The following VSTM4 variants were observed in gnomAD, a reference collection of about 807,000 sequenced individuals.
The protein encoded by VSTM4 is V-set and transmembrane domain containing 4, also known as V-set and transmembrane domain-containing protein 4.
In VSTM4, 20 loss-of-function variants were observed where a neutral mutation model predicts 36.4. The ratio of observed to expected loss-of-function variants is 0.55; its 90% CI spans 0.39 to 0.80. The LOEUF is 0.80. VSTM4 is among the 30% of genes least tolerant of loss of function. The pLI is 0.00. For missense variants in VSTM4, 392 were observed against 404.5 expected (o/e 0.97, Z 0.26); for synonymous variants, 182 against 173.9 (o/e 1.05, Z -0.37).
In VSTM4 at chr10:49,114,147, G is replaced by A. The variant is rs555232973; in HGVS notation, c.55+1284C>T. Among the ~76,000 whole-genome samples, 9 of 152,178 alleles carry A rather than the reference G, an allele frequency of 5.9e-5. No homozygotes were observed. In the South Asian group the frequency reaches 1.0e-3, roughly 18 times the overall value. The stretch of plus-strand genomic sequence containing the variant: ...CAAACTTCTCATCATTTTTCCAGCC[G>A]AGACAGTGACAACTGGGAAAAGGTA... On this transcript the variant is annotated intron_variant, in intron 1 of 7. Transcript: ENST00000332853.
intron 5 of VSTM4, among the ~76,000 whole-genome samples, chr10:49,057,569 T>G (rs906324245): frequency 6.6e-6 from 1 of 152,194 alleles, no homozygotes; most frequent in Admixed American, 6.5e-5. Context: ...GCATATTCTT[T>G]ATGCCAGGAA....
At chr10:49,081,745 A>G (rs539746253) in intron 3 of VSTM4, among the ~76,000 whole-genome samples, 1 of 152,326 alleles carries the variant, frequency 6.6e-6, no homozygotes, top group South Asian at 2.1e-4. Context: ...AGTTATGGAC[A>G]CCAGCCAGCG....
intron 4 of VSTM4, among the ~76,000 whole-genome samples, chr10:49,073,781 C>A (rs1163584637): frequency 6.6e-6 from 1 of 152,186 alleles, no homozygotes; most frequent in Non-Finnish European, 1.5e-5. Context: ...ATGAAGATTT[C>A]TCCTATAGAC....
intron 4 of VSTM4, among the ~76,000 whole-genome samples, chr10:49,070,341 A>G (rs1028496655): frequency 1.3e-5 from 2 of 151,942 alleles, no homozygotes; most frequent in Admixed American, 1.3e-4. Flanking sequence ...GATATTCCAG[A>G]TACAGTGGGT....
At chr10:49,038,112 A>G (rs1174518623) in intron 7 of VSTM4, among the ~76,000 whole-genome samples, 1 of 152,242 alleles carries the variant, frequency 6.6e-6, no homozygotes, top group Non-Finnish European at 1.5e-5. Flanking sequence ...TTCTGGGTAT[A>G]TAACCAAAAT....
chr10:49,020,382 A>T (rs1843163376), intron 7 of VSTM4, among the ~76,000 whole-genome samples: 1 of 152,156 alleles, frequency 6.6e-6, no homozygotes, highest in African/African-American at 2.4e-5. Context: ...AAAAAGAGGA[A>T]TAAAATAAAG....
At chr10:49,054,824 G>A (rs1467440954) in intron 5 of VSTM4, among the ~76,000 whole-genome samples, 1 of 152,130 alleles carries the variant, frequency 6.6e-6, no homozygotes, top group Non-Finnish European at 1.5e-5. Context: ...CCATCAAATG[G>A]TCCTTCTAAT....
intron 4 of VSTM4, among the ~76,000 whole-genome samples, chr10:49,072,919 T>A (rs1464456222): frequency 2.6e-5 from 4 of 152,210 alleles, no homozygotes; most frequent in Non-Finnish European, 5.9e-5. Context: ...AAATAAATGT[T>A]GTGTTAAGCC....
At chr10:49,099,844 C>T (rs1390747954) in intron 2 of VSTM4, among the ~76,000 whole-genome samples, 1 of 152,094 alleles carries the variant, frequency 6.6e-6, no homozygotes, top group Non-Finnish European at 1.5e-5. Flanking sequence ...AGAGCAAAAC[C>T]CTGTCTCTAC....
chr10:49,041,433 T>A (rs1220162205), intron 7 of VSTM4, among the ~76,000 whole-genome samples: 1 of 152,208 alleles, frequency 6.6e-6, no homozygotes, highest in Non-Finnish European at 1.5e-5. Flanking sequence ...CTGAAATGCA[T>A]ATAGCTGCCC....
chr10:49,046,974 G>T lies in VSTM4; in HGVS notation c.837+9C>A. 3.7e-6 allele frequency: 6 copies of T among 1,613,672 alleles called. No homozygotes were observed. The highest frequency in any genetic ancestry group is 1.3e-5 in the African/African-American group (1 of 75,020). On this transcript the variant is annotated intron_variant, in intron 7 of 7. Transcript: ENST00000332853. ...AGGTATGATAGGAATACAGAAGACG[G>T]TTACTTACCAGCGTGACTTTTCTCT... is the stretch of plus-strand genomic sequence containing the variant.
chr10:49,087,893 A>ATTATATG (rs1844396330), intron 2 of VSTM4, among the ~76,000 whole-genome samples: 1 of 143,942 alleles, frequency 6.9e-6, no homozygotes, highest in Admixed American at 6.8e-5. Context: ...CATATATATA[A>ATTATATG]TTATATATGT....
At chr10:49,097,298 C>T (rs1844591085) in intron 2 of VSTM4, among the ~76,000 whole-genome samples, 1 of 152,224 alleles carries the variant, frequency 6.6e-6, no homozygotes, top group African/African-American at 2.4e-5. Context: ...GGGGCCTCCT[C>T]CTGCTGAGCA....
At chr10:49,067,642 G>A (rs1369958493) in intron 4 of VSTM4, among the ~76,000 whole-genome samples, 1 of 152,202 alleles carries the variant, frequency 6.6e-6, no homozygotes, top group Non-Finnish European at 1.5e-5. Flanking sequence ...GAGGCTTCAG[G>A]GGAAATGAAT....
intron 3 of VSTM4, among the ~76,000 whole-genome samples, chr10:49,082,293 T>C (rs1844292955): frequency 6.6e-6 from 1 of 152,220 alleles, no homozygotes; most frequent in African/African-American, 2.4e-5. Context: ...GGTTGAAAGG[T>C]TGAAGCCAGA....
At chr10:49,020,596 A>C (rs1843166588) in intron 7 of VSTM4, among the ~76,000 whole-genome samples, 1 of 152,094 alleles carries the variant, frequency 6.6e-6, no homozygotes. Context: ...TACTGAAAAA[A>C]CTTTTAAATA....
rs3763776 is a variant in VSTM4 at position 49,019,278 on chromosome 10, A to G, written c.*372T>C. The G allele has an allele frequency of 0.11, 17,695 of 156,904 alleles. 1,295 individuals carry two copies. The highest frequency in any genetic ancestry group is 0.24 in the South Asian group (1,171 of 4,876). 9.7% of individuals were successfully genotyped at this position (156,904 alleles called of 1,614,324 possible). A position where few individuals can be genotyped will look rare whatever the true frequency, so the allele number is the denominator to read the frequency against. Reference sequence around the variant, plus strand: ...TATACTGTGAGCTTGTATCGTGGATACAGGAAGAGTAGAGAGTAAAATTAA... The same window carrying G: ...TATACTGTGAGCTTGTATCGTGGATGCAGGAAGAGTAGAGAGTAAAATTAA... On this transcript the variant is annotated 3_prime_UTR_variant, in exon 8 of 8. Transcript: ENST00000332853.
At chr10:49,092,851 T>C (rs772409095) in intron 2 of VSTM4, among the ~76,000 whole-genome samples, 5 of 152,022 alleles carry the variant, frequency 3.3e-5, no homozygotes, top group East Asian at 3.9e-4. Context: ...GAGCAGATTA[T>C]GCCAGCAGAA....
At chr10:49,082,392 G>A (rs1191887200) in intron 3 of VSTM4, among the ~76,000 whole-genome samples, 1 of 152,240 alleles carries the variant, frequency 6.6e-6, no homozygotes. Context: ...GGTCAGGCAT[G>A]GTGGCTCATG....
Sources: gnomAD v4.1 joint callset for allele counts (sites outside exome capture counted in the v4.1 genomes callset) on GRCh38, gnomAD v4.1.1 for gene constraint, MANE v1.5 for transcripts, NCBI Gene and HGNC (gene_info 2026-07-23, HGNC 2026-07-21) for gene names.